The following WDPCP variants were observed in gnomAD, a reference collection of about 807,000 sequenced individuals.
The protein encoded by WDPCP is WD repeat-containing and planar cell polarity effector protein fritz homolog.
A neutral mutation model predicts 93.1 loss-of-function variants in WDPCP; 71 were observed. The observed-to-expected ratio is 0.76, with a 90% confidence interval of 0.63 to 0.93. The LOEUF (loss-of-function observed/expected upper bound fraction) is 0.93, where lower values mean the gene tolerates loss of function less well. WDPCP is among the 40% of genes least tolerant of loss of function. WDPCP has a pLI of 0.00. For synonymous variants in WDPCP, 315 were observed against 315.0 expected, an observed-to-expected ratio of 1.00 and a Z score of 0.00; for missense variants, 844 against 887.4, an observed-to-expected ratio of 0.95 and a Z score of 0.62.
intron 13 of WDPCP, among the ~76,000 whole-genome samples, chr2:63,263,001 C>T (rs1467459523): frequency 2.0e-5 from 3 of 152,102 alleles, no homozygotes; most frequent in African/African-American, 7.2e-5. Flanking sequence ...CTATGCAGTC[C>T]ATTTATTTGC....
At chr2:63,395,234 T>TA (rs1462215824) in intron 10 of WDPCP, among the ~76,000 whole-genome samples, 2 of 152,206 alleles carry the variant, frequency 1.3e-5, no homozygotes, top group African/African-American at 4.8e-5. Flanking sequence ...TTTTTTTATC[T>TA]AAAAAATGTT....
chr2:63,691,873 A>AGTGTGT (rs71393325), intron 2 of WDPCP, among the ~76,000 whole-genome samples: 174 of 145,188 alleles, frequency 1.2e-3, no homozygotes, highest in Middle Eastern at 3.5e-3. Flanking sequence ...TATACTACAA[A>AGTGTGT]GTGTGTGTGT....
At chr2:63,429,552 A>G (rs115851390) in intron 9 of WDPCP, among the ~76,000 whole-genome samples, 6,740 of 152,338 alleles carry the variant, frequency 0.044, 209 homozygotes, top group Middle Eastern at 0.082. Context: ...TCTCAAAAGA[A>G]GACATACAAA....
intron 2 of WDPCP, among the ~76,000 whole-genome samples, chr2:63,722,688 C>T (rs1218004734): frequency 6.8e-5 from 10 of 146,628 alleles, no homozygotes; most frequent in Non-Finnish European, 1.2e-4. Context: ...CCCGGCCAGC[C>T]GCCCCGTCCG....
intron 14 of WDPCP, among the ~76,000 whole-genome samples, chr2:63,226,329 T>G (rs1678286737): frequency 6.6e-6 from 1 of 151,730 alleles, no homozygotes; most frequent in African/African-American, 2.4e-5. Context: ...TTTTTTTGAG[T>G]AAAAGATTTT....
intron 2 of WDPCP, among the ~76,000 whole-genome samples, chr2:63,772,750 A>G (rs989409261): frequency 2.6e-5 from 4 of 152,092 alleles, no homozygotes; most frequent in African/African-American, 9.6e-5. Flanking sequence ...TACTCATGAC[A>G]TAAAATAAAA....
At chr2:63,585,833 TTC>T (rs1175183733) in intron 1 of WDPCP, among the ~76,000 whole-genome samples, 21 of 123,680 alleles carry the variant, frequency 1.7e-4, no homozygotes, top group South Asian at 5.5e-4. Context: ...TTAAATAATT[TTC>T]TTTTTTTTTT....
At chr2:63,452,238 G>A (rs1698300874) in intron 6 of WDPCP, among the ~76,000 whole-genome samples, 3 of 152,166 alleles carry the variant, frequency 2.0e-5, no homozygotes, top group Non-Finnish European at 4.4e-5. Context: ...AGCAACTTCA[G>A]CAAAGTCTCA....
At chr2:63,423,445 A>C (rs1382816049) in intron 9 of WDPCP, among the ~76,000 whole-genome samples, 2 of 152,180 alleles carry the variant, frequency 1.3e-5, no homozygotes, top group East Asian at 3.9e-4. Context: ...ATCCCTGGAA[A>C]ATTAGTTTTT....
At chr2:63,723,181 A>G (rs1417273029) in intron 2 of WDPCP, among the ~76,000 whole-genome samples, 1 of 151,572 alleles carries the variant, frequency 6.6e-6, no homozygotes, top group African/African-American at 2.4e-5. Flanking sequence ...TAGGAAAACC[A>G]GAGACCTTTG....
At chr2:63,751,640 T>C in intron 2 of WDPCP, 2 of 483,934 alleles carry the variant, frequency 4.1e-6, no homozygotes, top group South Asian at 1.6e-5. Context: ...GTAGCTTCCA[T>C]GTCCCTTCTC....
chr2:63,708,039 T>C (rs1055839050), intron 2 of WDPCP, among the ~76,000 whole-genome samples: 1 of 152,124 alleles, frequency 6.6e-6, no homozygotes, highest in African/African-American at 2.4e-5. Context: ...CCACCCCTAC[T>C]GGGGGGTGCC....
intron 14 of WDPCP, among the ~76,000 whole-genome samples, chr2:63,243,029 C>T (rs1167871744): frequency 6.6e-6 from 1 of 152,176 alleles, no homozygotes; most frequent in Non-Finnish European, 1.5e-5. Context: ...AAAGAAAATT[C>T]TCTTGCTGAA....
the WDPCP span, among the ~76,000 whole-genome samples, chr2:63,835,441 A>C: frequency 6.6e-6 from 1 of 151,248 alleles, no homozygotes; most frequent in Admixed American, 6.6e-5. Flanking sequence ...AGAGAACTTC[A>C]GTCATTAAGA....
At chr2:63,815,877 T>C (rs913927232) in intron 1 of WDPCP, among the ~76,000 whole-genome samples, 16 of 149,988 alleles carry the variant, frequency 1.1e-4, no homozygotes, top group Non-Finnish European at 2.2e-4. Flanking sequence ...TGTTTTGTTG[T>C]TGTTGTTGTT....
chr2:63,510,635 T>A (rs1374755990), intron 1 of WDPCP, among the ~76,000 whole-genome samples: 4 of 152,074 alleles, frequency 2.6e-5, no homozygotes, highest in Non-Finnish European at 5.9e-5. Context: ...AGAGAGGAAA[T>A]CAAATTATCT....
At chr2:63,551,115 G>T (rs1705602496) in intron 1 of WDPCP, among the ~76,000 whole-genome samples, 1 of 151,904 alleles carries the variant, frequency 6.6e-6, no homozygotes. Context: ...TGAAATATCA[G>T]CATTTATTCC....
At chr2:63,396,428 T>C (rs1279310280) in intron 10 of WDPCP, among the ~76,000 whole-genome samples, 4 of 152,170 alleles carry the variant, frequency 2.6e-5, no homozygotes, top group Non-Finnish European at 4.4e-5. Flanking sequence ...TTAGCTTTAA[T>C]TACCTCTTGT....
intron 14 of WDPCP, among the ~76,000 whole-genome samples, chr2:63,196,516 T>C (rs1675445006): frequency 6.6e-6 from 1 of 152,142 alleles, no homozygotes; most frequent in Non-Finnish European, 1.5e-5. Context: ...TGTGAAGTCA[T>C]TATATGACAA....
Sources: gnomAD v4.1 joint callset for allele counts (sites outside exome capture counted in the v4.1 genomes callset) on GRCh38, gnomAD v4.1.1 for gene constraint, MANE v1.5 for transcripts, NCBI Gene and HGNC (gene_info 2026-07-23, HGNC 2026-07-21) for gene names.